ANKRD66: variants seen among roughly 807,000 people sequenced by gnomAD.
ANKRD66 encodes the protein ankyrin repeat domain 66, also known as ankyrin repeat domain-containing protein 66.
A neutral mutation model predicts 10.9 loss-of-function variants in ANKRD66; 10 were observed. The ratio of observed to expected loss-of-function variants is 0.91; its 90% confidence interval spans 0.56 to 1.55. ANKRD66 has a LOEUF of 1.55. Ranked by LOEUF, ANKRD66 falls within the 40% of genes most tolerant of loss-of-function variation. The probability of loss-of-function intolerance (pLI) is 0.00; values close to 1 mark genes in which losing one functional copy is unlikely to be tolerated. For missense variants in ANKRD66, 252 were observed against 242.9 expected, an observed-to-expected ratio of 1.04 and a Z score of -0.25; for synonymous variants, 85 against 88.4, an observed-to-expected ratio of 0.96 and a Z score of 0.22.
intron 4 of ANKRD66, 89 bp from the exon 5 acceptor site, chr6:46,758,634 G>GCA: frequency 7.9e-7 from 1 of 1,272,554 alleles, no homozygotes; most frequent in East Asian, 2.5e-5. Flanking sequence ...ACTGAACTGC[G>GCA]GTGTGCAGAA....
Position 46,752,002 on chromosome 6 carries a change from AG to A in ANKRD66, c.56del (p.Gly19GlufsTer5). 1 of 1,527,932 alleles carries A rather than the reference AG, an allele frequency of 6.5e-7. No homozygotes were observed. The highest frequency in any genetic ancestry group is 8.8e-7 in the Non-Finnish European group (1 of 1,137,248). 94.6% of individuals were successfully genotyped at this position (1,527,932 alleles called of 1,614,324 possible). A position where few individuals can be genotyped will look rare whatever the true frequency, so the allele number is the denominator to read the frequency against. On this transcript the variant is annotated frameshift_variant, in exon 3 of 5. Transcript: ENST00000565422. LOFTEE classifies it high-confidence loss of function. The stretch of plus-strand genomic sequence containing the variant: ...CAAAGCTTCACCAAGCTGTGGCTGC[AG>A]GAGACTACAGCTTAGTGAAGAAGAT... ...MTKLHQAVAAGDYSLVKKILK... is the reference protein window; with the variant it reads ...MTKLHQAVAAXDYSLVKKILK...
At chr6:46,751,869 T>C in intron 2 of ANKRD66, 68 bp from the exon 3 acceptor site, 2 of 1,343,624 alleles carry the variant, frequency 1.5e-6, no homozygotes, top group Non-Finnish European at 9.7e-7. Flanking sequence ...GATACAGAAG[T>C]CTATGGGATT....
intron 4 of ANKRD66, among the ~76,000 whole-genome samples, chr6:46,754,940 A>G (rs1766353273): frequency 6.6e-6 from 1 of 152,226 alleles, no homozygotes; most frequent in African/African-American, 2.4e-5. Flanking sequence ...TGTGGACCTC[A>G]GCATCAGCAG....
chr6:46,753,367 G>A (rs530143461), intron 3 of ANKRD66, among the ~76,000 whole-genome samples: 1 of 152,312 alleles, frequency 6.6e-6, no homozygotes, highest in South Asian at 2.1e-4. Context: ...TGTTGAGACT[G>A]TCAAAAGCAC....
At position 46,758,761 on chromosome 6, in the gene ANKRD66, A is replaced by T. The variant is rs750587611; in HGVS notation, c.431A>T (p.Gln144Leu). ...PECQDHRCAA[Q>L]QKGLPLDERD... ...TGCCAGGACCACCGTTGCGCTGCCC[A>T]GCAGAAGGGGCTGCCTCTGGATGAG... is the stretch of plus-strand genomic sequence containing the variant. Residue 144 changes from glutamine (Q) to leucine (L), a missense_variant, in exon 5 of 5, where the codon CAG becomes CTG. By Grantham distance (113) the Gln-to-Leu change is moderately radical. Transcript: ENST00000565422. 16 of 1,550,904 alleles carry T rather than the reference A, an allele frequency of 1.0e-5. 2 individuals are homozygous for T. The South Asian group carries it at 1.9e-4, about 18-fold the overall frequency.
At chr6:46,758,658 G>T (rs1183525082) in intron 4 of ANKRD66, 65 bp from the exon 5 acceptor site, 2 of 1,436,552 alleles carry the variant, frequency 1.4e-6, no homozygotes, top group Non-Finnish European at 1.8e-6. Context: ...GTGAATAAAG[G>T]CCGATTCCCA....
At chr6:46,749,430 C>A (rs969737604) in intron 1 of ANKRD66, among the ~76,000 whole-genome samples, 30 of 152,098 alleles carry the variant, frequency 2.0e-4, no homozygotes, top group African/African-American at 7.2e-4. Context: ...CACCTGAGGG[C>A]TCCAGGGTAC....
At position 46,759,435 on chromosome 6, in the gene ANKRD66, T is replaced by A. The variant is rs971156731; in HGVS notation, c.*514T>A. On this transcript the variant is annotated 3_prime_UTR_variant, in exon 5 of 5. Coordinates refer to ENST00000565422, the MANE Select transcript of ANKRD66 (RefSeq NM_001162435.3). The stretch of plus-strand genomic sequence containing the variant: ...ATATAAAATGTCTCCTTAATAATAC[T>A]TAATATTGATTCCACATTGAAATGA... 6.6e-6 allele frequency: 1 copy of A among 152,288 alleles called. No individual in the cohort carries two copies. Among genetic ancestry groups the A allele is most frequent in the African/African-American group, 2.4e-5 (1 of 41,472 alleles). The allele number at this position is 152,288 out of a possible 1,614,324, so 9.4% of individuals were successfully genotyped here.
In ANKRD66 at chr6:46,753,931, T is replaced by A. The variant is rs1411125791; in HGVS notation, c.373T>A (p.Cys125Ser). 3.9e-6 allele frequency: 6 copies of A among 1,551,046 alleles called. No homozygotes were observed. The highest frequency in any genetic ancestry group is 2.7e-5 in the African/African-American group (2 of 73,010). Residue 125 changes from cysteine to serine, a missense_variant, in exon 4 of 5, where the codon TGT (cysteine) becomes AGT (serine). Physicochemically the swap from Cys to Ser is moderately radical, Grantham distance 112 (BLOSUM62 -1). Coordinates refer to ENST00000565422, the MANE Select transcript of ANKRD66 (RefSeq NM_001162435.3). ...TGCACAGATCTATGGACAGAAAGCCTGTGTGGCATTTCTGGAAAAGTAAGT... is the reference window on the plus strand; with the variant it reads ...TGCACAGATCTATGGACAGAAAGCCAGTGTGGCATTTCTGGAAAAGTAAGT... The part of the protein sequence containing the change: ...RIAQIYGQKA[C>S]VAFLEKAEPE...
intron 4 of ANKRD66, chr6:46,756,234 A>G (rs1766381450): frequency 3.9e-6 from 1 of 258,624 alleles, no homozygotes; most frequent in Non-Finnish European, 7.7e-6. Context: ...CAAATTGAGT[A>G]GGTTTTAAAT....
chr6:46,753,359 T>C (rs1158206223), intron 3 of ANKRD66, among the ~76,000 whole-genome samples: 1 of 152,162 alleles, frequency 6.6e-6, no homozygotes, highest in Non-Finnish European at 1.5e-5. Flanking sequence ...TGGCTCAGTG[T>C]TGAGACTGTC....
At chr6:46,751,855 A>C in intron 2 of ANKRD66, 82 bp from the exon 3 acceptor site, 1 of 1,305,364 alleles carries the variant, frequency 7.7e-7, no homozygotes, top group Non-Finnish European at 1.0e-6. Flanking sequence ...GAAAGGAAAT[A>C]AATGATACAG....
intron 4 of ANKRD66, 108 bp from the exon 5 acceptor site, chr6:46,758,615 T>C (rs992491955): frequency 2.7e-6 from 3 of 1,108,442 alleles, no homozygotes; most frequent in South Asian, 4.4e-5. Flanking sequence ...TTGGCCTCCT[T>C]CCTTCTCAAC....
intron 1 of ANKRD66, 141 bp from the exon 2 acceptor site, chr6:46,749,755 T>C: frequency 1.1e-6 from 1 of 896,456 alleles, no homozygotes; most frequent in Non-Finnish European, 1.6e-6. Context: ...CTCTGACCCA[T>C]CGCATCAGGA....
At chr6:46,749,066 C>A (rs1766205989) in intron 1 of ANKRD66, among the ~76,000 whole-genome samples, 2 of 152,230 alleles carry the variant, frequency 1.3e-5, no homozygotes, top group South Asian at 4.1e-4. Flanking sequence ...TGTTGAACCT[C>A]CATGGGATAG....
intron 4 of ANKRD66, chr6:46,756,661 C>A (rs946794684): frequency 7.9e-5 from 12 of 152,204 alleles, no homozygotes; most frequent in African/African-American, 2.7e-4. Flanking sequence ...TCCCTGATCC[C>A]CATACTGAAT....
chr6:46,756,116 C>T (rs1766378987), intron 4 of ANKRD66: 2 of 442,110 alleles, frequency 4.5e-6, no homozygotes, highest in South Asian at 1.6e-5. Flanking sequence ...TCAAGAAACG[C>T]CTGACTTCTT....
rs76490476 is a variant in ANKRD66, at chr6:46,751,430, C to T, written c.-12-507C>T. 5.1e-3 allele frequency among the ~76,000 whole-genome samples: 771 copies of T among 152,248 alleles called. 7 individuals are homozygous for T. The highest frequency in any genetic ancestry group is 0.017 in the African/African-American group (700 of 41,548). ...TTGTGTGATTGTGTGTCCATCTCAA[C>T]GGGTGTAACAACACTAATACTATTT... On this transcript the variant is annotated intron_variant, in intron 2 of 4. Transcript: ENST00000565422.
rs1766280585 is a variant in ANKRD66, at chr6:46,752,017, A to G, written c.69A>G (p.Leu23=). The change falls in exon 3 of 5, where the codon TTA becomes TTG. Residue 23 remains leucine (L), a synonymous_variant. Transcript: ENST00000565422. ...HQAVAAGDYS[L]VKKILKKGLC... The stretch of plus-strand genomic sequence containing the variant: ...CTGTGGCTGCAGGAGACTACAGCTT[A>G]GTGAAGAAGATTTTGAAGAAAGGTC... The G allele has an allele frequency of 6.5e-7, 1 of 1,537,514 alleles. No homozygotes were observed. Among genetic ancestry groups the G allele is most frequent in the Non-Finnish European group, 8.8e-7 (1 of 1,141,078 alleles).
Sources: gnomAD v4.1 joint callset for allele counts (sites outside exome capture counted in the v4.1 genomes callset) on GRCh38, gnomAD v4.1.1 for gene constraint, MANE v1.5 for transcripts, NCBI Gene and HGNC (gene_info 2026-07-23, HGNC 2026-07-21) for gene names.